TPST1: variants seen among roughly 807,000 people sequenced by gnomAD.
TPST1 encodes tyrosylprotein sulfotransferase 1.
In TPST1, 20 loss-of-function variants were observed where a neutral mutation model predicts 34.8. That is an observed-to-expected ratio of 0.57 (90% CI 0.40 to 0.84). TPST1 has a LOEUF of 0.84. Among genes scored for constraint, TPST1 ranks in the 40% least tolerant of loss-of-function variants. The pLI is 0.00. For synonymous variants in TPST1, 152 were observed against 159.4 expected (o/e 0.95, Z 0.35); for missense variants, 353 against 455.5 (o/e 0.78, Z 2.05).
chr7:66,251,870 A>C (rs1363176269), intron 2 of TPST1, among the ~76,000 whole-genome samples: 1 of 150,650 alleles, frequency 6.6e-6, no homozygotes, highest in African/African-American at 2.4e-5. Context: ...CATCAGTTTT[A>C]ATTGCCAAAA....
At position 66,332,982 on chromosome 7, in the gene TPST1, G is replaced by A. The variant is rs1792026164; in HGVS notation, c.1045-19523G>A. Reference sequence around the variant, plus strand: ...GATGAAGTGGCACTGGGCTTAGTAAGGGTAAGAAAGCTAAGAGTGGCCTGA... The same window carrying A: ...GATGAAGTGGCACTGGGCTTAGTAAAGGTAAGAAAGCTAAGAGTGGCCTGA... On this transcript the variant is annotated intron_variant, in intron 3 of 5. Coordinates refer to ENST00000304842, the MANE Select transcript of TPST1 (RefSeq NM_003596.4). The surrounding 1 kb of genome is among the most constrained non-coding windows in gnomAD (Gnocchi z 4.5). 6.6e-6 allele frequency among the ~76,000 whole-genome samples: 1 copy of A among 152,128 alleles called. No individual in the cohort carries two copies. The highest frequency in any genetic ancestry group is 1.5e-5 in the Non-Finnish European group (1 of 68,026).
At chr7:66,217,014 G>A (rs1207245145) in intron 1 of TPST1, among the ~76,000 whole-genome samples, 1 of 151,722 alleles carries the variant, frequency 6.6e-6, no homozygotes, top group Non-Finnish European at 1.5e-5. Flanking sequence ...TTTTTTTTTG[G>A]TTATTGTTTT....
At chr7:66,227,028 C>CTTTTTTTTTTTTTTTTTTTTTTTTTTT (rs546339747) in intron 1 of TPST1, among the ~76,000 whole-genome samples, 2 of 69,200 alleles carry the variant, frequency 2.9e-5, no homozygotes, top group Non-Finnish European at 2.4e-5. Flanking sequence ...TTAAAATAAG[C>CTTTTTTTTTTTTTTTTTTTTTTTTTTT]TTTTTTTTTT....
intron 3 of TPST1, among the ~76,000 whole-genome samples, chr7:66,328,882 C>CTA (rs1562847144): frequency 3.0e-4 from 9 of 29,918 alleles, no homozygotes; most frequent in East Asian, 7.1e-4. Context: ...CTCTCTCTCT[C>CTA]TCTCTATATA....
At chr7:66,250,504 A>G (rs566425915) in intron 2 of TPST1, among the ~76,000 whole-genome samples, 7 of 152,152 alleles carry the variant, frequency 4.6e-5, no homozygotes, top group African/African-American at 1.7e-4. Context: ...TGAGTGAGTT[A>G]TTTGGTTTTG....
At chr7:66,213,258 G>A (rs1237779361) in intron 1 of TPST1, among the ~76,000 whole-genome samples, 2 of 151,756 alleles carry the variant, frequency 1.3e-5, no homozygotes, top group Non-Finnish European at 2.9e-5. Context: ...TTATTTTTTT[G>A]TCTGTTGTTT....
chr7:66,234,410 C>CACACACACACACACAA (rs1554342891), intron 1 of TPST1, among the ~76,000 whole-genome samples: 3 of 149,710 alleles, frequency 2.0e-5, no homozygotes, highest in Non-Finnish European at 4.5e-5. Context: ...TACACACACA[C>CACACACACACACACAA]ACACACACAC....
At chr7:66,244,840 G>A (rs1790115281) in intron 2 of TPST1, among the ~76,000 whole-genome samples, 1 of 152,068 alleles carries the variant, frequency 6.6e-6, no homozygotes, top group Admixed American at 6.6e-5. Context: ...ATTCAGAGAC[G>A]AGTTCTTATC....
chr7:66,304,721 T>G lies in TPST1; in HGVS notation c.1044+18012T>G, dbSNP rs542353555. Reference sequence around the variant, plus strand: ...ATGCTGTATTTCATATTGTGCTTTGTACATTTCTGGCTGATATGAATGTAT... The same window carrying G: ...ATGCTGTATTTCATATTGTGCTTTGGACATTTCTGGCTGATATGAATGTAT... On this transcript the variant is annotated intron_variant, in intron 3 of 5. Coordinates refer to ENST00000304842, the MANE Select transcript of TPST1 (RefSeq NM_003596.4). Among the ~76,000 whole-genome samples, 4 of 152,340 alleles carry G rather than the reference T, an allele frequency of 2.6e-5. No individual in the cohort carries two copies. In the South Asian group the frequency reaches 8.3e-4, roughly 32 times the overall value.
intron 1 of TPST1, among the ~76,000 whole-genome samples, chr7:66,213,370 G>A (rs1471674512): frequency 6.6e-6 from 1 of 152,038 alleles, no homozygotes; most frequent in Admixed American, 6.6e-5. Context: ...TTGTTTTTCA[G>A]TTCTATAATT....
rs557340129 is a variant in TPST1, at chr7:66,332,284, T to G, written c.1045-20221T>G. Among the ~76,000 whole-genome samples, 21 of 151,924 alleles carry G rather than the reference T, an allele frequency of 1.4e-4. No individual in the cohort carries two copies. The highest frequency in any genetic ancestry group is 2.9e-4 in the Non-Finnish European group (20 of 67,926). ...TTTGTTTACATCTTTTTTTTTTTTT[T>G]GAGATGAGAGTCTCGTTTGTGTTGC... is the stretch of plus-strand genomic sequence containing the variant. On this transcript the variant is annotated intron_variant, in intron 3 of 5. Transcript: ENST00000304842. This position sits in a 1 kb window ranked among gnomAD's most constrained non-coding sequence, Gnocchi z 4.5.
At chr7:66,356,328 ACCCT>A (rs1046039362) in intron 4 of TPST1, among the ~76,000 whole-genome samples, 106 of 152,102 alleles carry the variant, frequency 7.0e-4, no homozygotes, top group African/African-American at 2.3e-3. Context: ...AGGGCACGTC[ACCCT>A]CCCGGCACAC....
intron 1 of TPST1, among the ~76,000 whole-genome samples, chr7:66,213,698 C>T (rs182800013): frequency 2.6e-4 from 39 of 150,522 alleles, no homozygotes; most frequent in African/African-American, 8.1e-4. Context: ...GAGCGGAGAT[C>T]GTGCCACTGC....
intron 2 of TPST1, among the ~76,000 whole-genome samples, chr7:66,252,599 C>T (rs899952612): frequency 1.3e-5 from 2 of 152,152 alleles, no homozygotes; most frequent in African/African-American, 4.8e-5. Context: ...TCCCAAAGTG[C>T]TGGGATTACA....
In TPST1 at chr7:66,214,684, GCA is replaced by G. The variant is rs113139233; in HGVS notation, c.-102+9168_-102+9169del. Among the ~76,000 whole-genome samples the G allele has an allele frequency of 3.2e-4, 48 of 150,810 alleles. 4 individuals carry two copies. The highest frequency in any genetic ancestry group is 1.1e-3 in the African/African-American group (46 of 41,294). ...ATATGAAAATTAGCATGGCATGGCGGCACACACCTGTAGTACCAGCTGCTTGG... is the reference window on the plus strand; with the variant it reads ...ATATGAAAATTAGCATGGCATGGCGGCACACCTGTAGTACCAGCTGCTTGG... On this transcript the variant is annotated intron_variant, in intron 1 of 5. Transcript: ENST00000304842.
chr7:66,304,547 A>T (rs543060821), intron 3 of TPST1, among the ~76,000 whole-genome samples: 2 of 152,214 alleles, frequency 1.3e-5, no homozygotes, highest in Non-Finnish European at 2.9e-5. Flanking sequence ...TTGACCATCC[A>T]GCATAGGCCA....
Position 66,309,150 on chromosome 7 carries a change from T to C in TPST1, c.1044+22441T>C, listed in dbSNP as rs530253718. On this transcript the variant is annotated intron_variant, in intron 3 of 5. Coordinates refer to ENST00000304842, the MANE Select transcript of TPST1 (RefSeq NM_003596.4). ...CTGACCTCAGGTGATCCACCCACCT[T>C]GGCCTCCCAAAGTGCTGGGATTACA... 7.2e-5 allele frequency among the ~76,000 whole-genome samples: 11 copies of C among 152,236 alleles called. No homozygotes were observed. In the South Asian group the frequency reaches 2.1e-3, roughly 29 times the overall value.
chr7:66,281,302 A>G (rs1403385211), intron 2 of TPST1, among the ~76,000 whole-genome samples: 1 of 151,992 alleles, frequency 6.6e-6, no homozygotes, highest in Non-Finnish European at 1.5e-5. Context: ...TTTTTGTTGT[A>G]TCTCTGATAG....
intron 5 of TPST1, among the ~76,000 whole-genome samples, chr7:66,358,178 A>G (rs1332163285): frequency 1.3e-5 from 2 of 152,074 alleles, no homozygotes; most frequent in African/African-American, 2.4e-5. Context: ...GCCAGGAGGC[A>G]GAGAGGTTGC....
Sources: allele counts gnomAD v4.1 joint callset (sites outside exome capture counted in the v4.1 genomes callset), GRCh38; gene constraint gnomAD v4.1.1; non-coding constraint Gnocchi (gnomAD v3.1); transcripts MANE v1.5; gene names NCBI Gene and HGNC (gene_info 2026-07-23, HGNC 2026-07-21).